The following IL4I1 variants were observed in gnomAD, a reference collection of about 807,000 sequenced individuals.
IL4I1 encodes interleukin 4 induced 1, also known as L-amino-acid oxidase.
A neutral mutation model predicts 29.7 loss-of-function variants in IL4I1; 24 were observed. The ratio of observed to expected loss-of-function variants is 0.81; its 90% confidence interval spans 0.59 to 1.14. The LOEUF is 1.14. IL4I1 is among the 50% of genes most tolerant of loss of function. IL4I1 has a pLI of 0.00. For missense variants in IL4I1, 686 were observed against 785.6 expected (o/e 0.87, Z 1.52); for synonymous variants, 371 against 352.5 (o/e 1.05, Z -0.59).
At chr19:49,908,062 C>T in intron 2 of IL4I1, 6 of 1,376,198 alleles carry the variant, frequency 4.4e-6, no homozygotes, top group Non-Finnish European at 5.8e-6. Flanking sequence ...GGCAGAAGGC[C>T]CAGAATACCC....
chr19:49,909,312 C>T, intron 2 of IL4I1: 1 of 1,613,938 alleles, frequency 6.2e-7, no homozygotes, highest in Non-Finnish European at 8.5e-7. Flanking sequence ...GAGGGTTGGG[C>T]CGTGCTTCCA....
chr19:49,890,230 T>A lies in IL4I1; in HGVS notation c.1144A>T (p.Met382Leu). 6.4e-7 allele frequency: 1 copy of A among 1,557,090 alleles called. No individual in the cohort carries two copies. The highest frequency in any genetic ancestry group is 8.7e-7 in the Non-Finnish European group (1 of 1,150,496). Residue 382 changes from methionine to leucine, a missense_variant, in exon 8 of 8, where the codon ATG (methionine) becomes TTG (leucine). Physicochemically the swap from Met to Leu is conservative, Grantham distance 15. Coordinates refer to ENST00000391826, the MANE Select transcript of IL4I1 (RefSeq NM_152899.2). ...TCGCGCGGCGGCGGGTAGAAAATCA[T>A]GCGCGACGGGCGATCGGTGTTTGAG... Reference protein sequence around the residue: ...GHSNTDRPSRMIFYPPPREGA... With the variant: ...GHSNTDRPSRLIFYPPPREGA...
At chr19:49,927,220 G>A (rs904649674) in intron 2 of IL4I1, among the ~76,000 whole-genome samples, 1 of 152,002 alleles carries the variant, frequency 6.6e-6, no homozygotes, top group Non-Finnish European at 1.5e-5. Flanking sequence ...CACAGGGAAG[G>A]GAAATGGCCA....
chr19:49,890,956 A>ACC lies in IL4I1; in HGVS notation c.773+14_773+15insGG. The stretch of plus-strand genomic sequence containing the variant: ...CCCCCGCCCCCCCCCCCTGCCCGCC[A>ACC]GCCCCGCCCCTTACTGGAGTCTGTC... On this transcript the variant is annotated intron_variant, in intron 7 of 7. Coordinates refer to ENST00000391826, the MANE Select transcript of IL4I1 (RefSeq NM_152899.2). 4.9e-6 allele frequency: 1 copy of ACC among 205,344 alleles called. No homozygotes were observed. Among genetic ancestry groups the ACC allele is most frequent in the Non-Finnish European group, 7.5e-6 (1 of 132,534 alleles). 12.7% of individuals were successfully genotyped at this position (205,344 alleles called of 1,614,324 possible). A position where few individuals can be genotyped will look rare whatever the true frequency, so the allele number is the denominator to read the frequency against.
chr19:49,924,502 A>T (rs561007707), intron 2 of IL4I1, among the ~76,000 whole-genome samples: 2 of 151,848 alleles, frequency 1.3e-5, no homozygotes, highest in Non-Finnish European at 1.5e-5. Flanking sequence ...GCCTGCAACC[A>T]CCGCCTCACT....
chr19:49,914,592 C>A (rs1367269513), intron 2 of IL4I1, among the ~76,000 whole-genome samples: 5 of 152,130 alleles, frequency 3.3e-5, no homozygotes. Context: ...GATTCAGATG[C>A]GGAATCATCT....
intron 2 of IL4I1, among the ~76,000 whole-genome samples, chr19:49,913,712 C>T (rs1013716071): frequency 2.6e-5 from 4 of 152,194 alleles, no homozygotes; most frequent in African/African-American, 7.2e-5. Context: ...AAACCGTGAC[C>T]GTGACTGTGA....
In IL4I1 at chr19:49,894,411, C is replaced by T. The variant is rs2075178483; in HGVS notation, c.424G>A (p.Asp142Asn). Residue 142 changes from aspartate (D) to asparagine (N), a missense_variant, in exon 5 of 8, where the codon GAC (aspartate) becomes AAC (asparagine). Physicochemically the swap from Asp to Asn is conservative, Grantham distance 23. Transcript: ENST00000391826. ...GLNLTKFTQYDKNTWTEVHEV... is the reference protein window; with the variant it reads ...GLNLTKFTQYNKNTWTEVHEV... ...TGCACCTCCGTCCACGTGTTCTTGT[C>T]GTACTGGGTGAACTTGGTCAGGTTG... The T allele has an allele frequency of 9.3e-6, 15 of 1,613,926 alleles. No homozygotes were observed. Among genetic ancestry groups the T allele is most frequent in the Non-Finnish European group, 1.2e-5 (14 of 1,179,788 alleles).
At chr19:49,916,897 G>A (rs1164615469) in intron 2 of IL4I1, among the ~76,000 whole-genome samples, 2 of 152,216 alleles carry the variant, frequency 1.3e-5, no homozygotes, top group Non-Finnish European at 2.9e-5. Flanking sequence ...CTTCAGCCTG[G>A]GCGGCTGAGC....
intron 1 of IL4I1, chr19:49,928,819 G>C (rs1253202009): frequency 6.6e-6 from 1 of 152,316 alleles, no homozygotes; most frequent in Non-Finnish European, 1.5e-5. Context: ...AGCAAGGAAA[G>C]GGAAAGAGAA....
chr19:49,902,335 C>A (rs969288077), intron 3 of IL4I1, among the ~76,000 whole-genome samples: 2 of 149,042 alleles, frequency 1.3e-5, no homozygotes, highest in East Asian at 2.0e-4. Context: ...ATATCATTAT[C>A]ATATTTTAAG....
chr19:49,910,025 C>T (rs1273330420), intron 2 of IL4I1: 21 of 632,744 alleles, frequency 3.3e-5, no homozygotes, highest in African/African-American at 5.4e-5. Flanking sequence ...TCTGCTACAT[C>T]GAGAAGGATC....
At chr19:49,898,423 G>A (rs1265230490), upstream of IL4I1, among the ~76,000 whole-genome samples, 1 of 152,238 alleles carries the variant, frequency 6.6e-6, no homozygotes, top group African/African-American at 2.4e-5. Flanking sequence ...AGGATTGCTT[G>A]AGCCCAGGGG....
intron 2 of IL4I1, among the ~76,000 whole-genome samples, chr19:49,910,246 C>T (rs1413587292): frequency 1.3e-5 from 2 of 152,210 alleles, no homozygotes; most frequent in Admixed American, 6.5e-5. Context: ...GTAGGACCTG[C>T]TCCCAGCGTG....
At chr19:49,895,229 C>T in intron 3 of IL4I1, 49 bp from the exon 4 acceptor site, 1 of 1,471,384 alleles carries the variant, frequency 6.8e-7, no homozygotes, top group Non-Finnish European at 9.5e-7. Flanking sequence ...CACCCACTGA[C>T]CATCCCCTGC....
upstream of IL4I1, among the ~76,000 whole-genome samples, chr19:49,901,107 C>T (rs1040938792): frequency 3.3e-5 from 5 of 152,160 alleles, no homozygotes; most frequent in South Asian, 2.1e-4. Context: ...TGGCCAGACG[C>T]GGTGGCTCAC....
chr19:49,925,715 C>T (rs1478320527), intron 2 of IL4I1, among the ~76,000 whole-genome samples: 3 of 152,168 alleles, frequency 2.0e-5, no homozygotes, highest in South Asian at 2.1e-4. Flanking sequence ...CCAAAATCAG[C>T]ATCAAGTGTG....
chr19:49,891,277 C>G, intron 6 of IL4I1, 128 bp downstream of exon 6: 2 of 1,403,654 alleles, frequency 1.4e-6, no homozygotes, highest in Non-Finnish European at 2.0e-6. Flanking sequence ...GCGTGTCCAG[C>G]CCCCGGGTCA....
chr19:49,926,797 TAACTGCTCGACACGGATTAACTC>T (rs1463568452), intron 2 of IL4I1, among the ~76,000 whole-genome samples: 1 of 151,894 alleles, frequency 6.6e-6, no homozygotes, highest in African/African-American at 2.4e-5. Context: ...GGCGTTAGTC[TAACTGCTCGACACGGATTAACTC>T]ATTTAATCCT....
Sources: gnomAD v4.1 joint callset for allele counts (sites outside exome capture counted in the v4.1 genomes callset) on GRCh38, gnomAD v4.1.1 for gene constraint, MANE v1.5 for transcripts, NCBI Gene and HGNC (gene_info 2026-07-23, HGNC 2026-07-21) for gene names.